LEF1: variants seen among roughly 807,000 people sequenced by gnomAD.
LEF1 encodes lymphoid enhancer-binding factor 1.
A neutral mutation model predicts 51.2 loss-of-function variants in LEF1; 14 were observed. That is an observed-to-expected ratio of 0.27 (90% CI 0.18 to 0.43). LEF1 has a LOEUF of 0.43. Among genes scored for constraint, LEF1 ranks in the 20% least tolerant of loss-of-function variants. The probability of loss-of-function intolerance (pLI) is 1.00; values close to 1 mark genes in which losing one functional copy is unlikely to be tolerated. For synonymous variants in LEF1, 185 were observed against 183.2 expected (o/e 1.01, Z -0.08); for missense variants, 386 against 512.0 (o/e 0.75, Z 2.37).
chr4:108,051,218 T>C (rs1468076613), intron 11 of LEF1, among the ~76,000 whole-genome samples: 1 of 151,972 alleles, frequency 6.6e-6, no homozygotes, highest in African/African-American at 2.4e-5. Context: ...TCTGTACAGT[T>C]GCTTACCAAA....
rs2110433114 is a variant in LEF1, at chr4:108,167,561, T to C, written c.207A>G (p.Gly69=). The change falls in exon 1 of 12, where the codon GGA becomes GGG. Residue 69 remains glycine, a synonymous_variant. Transcript: ENST00000265165. The surrounding 1 kb of genome is among the most constrained non-coding windows in gnomAD (Gnocchi z 5.7). ...NESEIIPASN[G]HEVARQAQTS... ...GGGGCAGCGGCCCGCTCACCTCGTG[T>C]CCGTTGCTGGCCGGGATGATTTCAG... 6.2e-7 allele frequency: 1 copy of C among 1,614,108 alleles called. No homozygotes were observed. Among genetic ancestry groups the C allele is most frequent in the South Asian group, 1.1e-5 (1 of 91,078 alleles).
chr4:108,125,556 A>G (rs1359503912), intron 3 of LEF1, among the ~76,000 whole-genome samples: 1 of 152,160 alleles, frequency 6.6e-6, no homozygotes, highest in East Asian at 1.9e-4. Flanking sequence ...TTACAGGTAA[A>G]ATATCTAGTG....
intron 8 of LEF1, among the ~76,000 whole-genome samples, chr4:108,076,020 G>A (rs1437008723): frequency 2.5e-5 from 1 of 39,856 alleles, no homozygotes; most frequent in Non-Finnish European, 8.4e-5. Context: ...CCTTGCTGTA[G>A]CTCCCTAAAG....
At chr4:108,158,720 A>G (rs1400751396) in intron 3 of LEF1, among the ~76,000 whole-genome samples, 1 of 152,056 alleles carries the variant, frequency 6.6e-6, no homozygotes, top group Admixed American at 6.5e-5. Context: ...TCTAAAGAAC[A>G]TTAAAAAAAA....
At chr4:108,147,100 C>T (rs994136294) in intron 3 of LEF1, among the ~76,000 whole-genome samples, 3 of 151,966 alleles carry the variant, frequency 2.0e-5, no homozygotes, top group African/African-American at 7.3e-5. Context: ...TGCACTCCAG[C>T]CTGGGTTACA....
intron 3 of LEF1, among the ~76,000 whole-genome samples, chr4:108,090,059 C>A (rs770098837): frequency 5.3e-5 from 8 of 152,196 alleles, no homozygotes; most frequent in Admixed American, 6.5e-5. Context: ...TGGCTCACTG[C>A]AACCTCCACC....
intron 3 of LEF1, among the ~76,000 whole-genome samples, chr4:108,148,241 T>C (rs1188811022): frequency 6.6e-6 from 1 of 151,410 alleles, no homozygotes; most frequent in Non-Finnish European, 1.5e-5. Context: ...TATTCTTAAA[T>C]AGTCTTAGGT....
At chr4:108,071,188 C>T (rs983280527) in intron 8 of LEF1, among the ~76,000 whole-genome samples, 3 of 152,214 alleles carry the variant, frequency 2.0e-5, no homozygotes, top group Non-Finnish European at 4.4e-5. Context: ...GTGATAATTT[C>T]CAGATGTCTT....
chr4:108,098,889 C>A (rs1053135550), intron 3 of LEF1, among the ~76,000 whole-genome samples: 39 of 152,166 alleles, frequency 2.6e-4, no homozygotes, highest in African/African-American at 9.2e-4. Context: ...AAACTCAAAT[C>A]ATTTTCTATG....
intron 3 of LEF1, among the ~76,000 whole-genome samples, chr4:108,135,255 G>C (rs1465622765): frequency 6.6e-6 from 1 of 152,118 alleles, no homozygotes; most frequent in Non-Finnish European, 1.5e-5. Context: ...TATCCTGTGG[G>C]GGGCCAGCTC....
intron 3 of LEF1, among the ~76,000 whole-genome samples, chr4:108,113,399 C>CGACT (rs1291074874): frequency 6.6e-6 from 1 of 152,090 alleles, no homozygotes; most frequent in Non-Finnish European, 1.5e-5. Context: ...ACCTACTGAA[C>CGACT]GACTGTCTTT....
At chr4:108,087,853 C>T (rs896286526) in intron 4 of LEF1, among the ~76,000 whole-genome samples, 1 of 152,158 alleles carries the variant, frequency 6.6e-6, no homozygotes, top group Admixed American at 6.6e-5. Flanking sequence ...ACTGGTCCTC[C>T]CTCTCAAACT....
At chr4:108,125,951 CA>C (rs1259388135) in intron 3 of LEF1, among the ~76,000 whole-genome samples, 1 of 152,080 alleles carries the variant, frequency 6.6e-6, no homozygotes, top group Non-Finnish European at 1.5e-5. Flanking sequence ...ACAAAATTCA[CA>C]AAACTAACCA....
At chr4:108,097,307 A>G (rs556260804) in intron 3 of LEF1, among the ~76,000 whole-genome samples, 2 of 152,350 alleles carry the variant, frequency 1.3e-5, no homozygotes, top group South Asian at 2.1e-4. Flanking sequence ...GAACTGGATG[A>G]CATTATGTTA....
chr4:108,119,115 C>G (rs1030477438), intron 3 of LEF1, among the ~76,000 whole-genome samples: 1 of 147,710 alleles, frequency 6.8e-6, no homozygotes, highest in African/African-American at 2.5e-5. Flanking sequence ...GCCTTTCAAG[C>G]AGGTCAGCTA....
Position 108,048,503 on chromosome 4 carries a change from A to G in LEF1, c.*255T>C, listed in dbSNP as rs1184304349. On this transcript the variant is annotated 3_prime_UTR_variant, in exon 12 of 12. Transcript: ENST00000265165. The stretch of plus-strand genomic sequence containing the variant: ...TCATGTGCTTTTACATTTCCTTTTA[A>G]AAAACCTTTTTATGCTTTATTTTGG... The G allele has an allele frequency of 4.6e-6, 2 of 436,834 alleles. No homozygotes were observed. The highest frequency in any genetic ancestry group is 3.4e-5 in the East Asian group (1 of 29,108). 27.1% of individuals were successfully genotyped at this position (436,834 alleles called of 1,614,324 possible).
intron 11 of LEF1, among the ~76,000 whole-genome samples, chr4:108,058,078 G>A (rs1737426512): frequency 1.3e-5 from 2 of 151,912 alleles, no homozygotes; most frequent in Non-Finnish European, 1.5e-5. Flanking sequence ...GTTTCACTAC[G>A]TTGGCCAGGC....
intron 3 of LEF1, among the ~76,000 whole-genome samples, chr4:108,127,670 A>C (rs1482251356): frequency 6.6e-6 from 1 of 152,182 alleles, no homozygotes; most frequent in Non-Finnish European, 1.5e-5. Flanking sequence ...CACTTATTTA[A>C]GCGGAAAATA....
chr4:108,074,245 A>G (rs1738695727), intron 8 of LEF1, among the ~76,000 whole-genome samples: 2 of 152,198 alleles, frequency 1.3e-5, no homozygotes. Context: ...TTTACTGCAA[A>G]ATAAAGAGTC....
Sources: gnomAD v4.1 joint callset for allele counts (sites outside exome capture counted in the v4.1 genomes callset) on GRCh38, gnomAD v4.1.1 for gene constraint, Gnocchi (gnomAD v3.1) non-coding constraint, MANE v1.5 for transcripts, NCBI Gene and HGNC (gene_info 2026-07-23, HGNC 2026-07-21) for gene names.